The following HSD17B11 variants were observed in gnomAD, a reference collection of about 807,000 sequenced individuals.
HSD17B11 encodes estradiol 17-beta-dehydrogenase 11.
Under a neutral mutation model 27.8 loss-of-function variants are expected in HSD17B11, and 22 were observed. The observed-to-expected ratio is 0.79, with a 90% CI of 0.56 to 1.13. The LOEUF is 1.13. HSD17B11 is among the 50% of genes most tolerant of loss of function. The probability of loss-of-function intolerance (pLI) is 0.00; values close to 1 mark genes in which losing one functional copy is unlikely to be tolerated. For synonymous variants in HSD17B11, 117 were observed against 132.8 expected (o/e 0.88, Z 0.82); for missense variants, 314 against 351.1 (o/e 0.89, Z 0.84).
intron 2 of HSD17B11, among the ~76,000 whole-genome samples, chr4:87,381,186 CAAAA>C (rs58998729): frequency 2.6e-5 from 3 of 114,304 alleles, no homozygotes; most frequent in African/African-American, 3.3e-5. Context: ...GACTCCATTT[CAAAA>C]AAAAAAAAAA....
intron 6 of HSD17B11, among the ~76,000 whole-genome samples, chr4:87,337,923 A>G (rs772917978): frequency 6.6e-6 from 1 of 152,216 alleles, no homozygotes; most frequent in Non-Finnish European, 1.5e-5. Context: ...TACTATATTA[A>G]ATAAAATGTC....
At chr4:87,370,431 T>A (rs966306452) in intron 4 of HSD17B11, among the ~76,000 whole-genome samples, 17 of 151,970 alleles carry the variant, frequency 1.1e-4, no homozygotes, top group East Asian at 3.9e-4. Flanking sequence ...TATTATTATT[T>A]TTTGAGACGA....
At chr4:87,374,881 A>G (rs1298226202) in intron 2 of HSD17B11, 51 bp from the exon 3 acceptor site, 10 of 1,386,612 alleles carry the variant, frequency 7.2e-6, no homozygotes, top group Non-Finnish European at 7.9e-6. Context: ...TATGAGGGTA[A>G]GTTTATACAC....
chr4:87,338,067 A>T (rs1735086513), intron 6 of HSD17B11, among the ~76,000 whole-genome samples: 2 of 152,196 alleles, frequency 1.3e-5, no homozygotes, highest in Non-Finnish European at 2.9e-5. Flanking sequence ...AATACAAAAA[A>T]TTAGCCAGGC....
At chr4:87,379,866 T>A (rs61523111) in intron 2 of HSD17B11, among the ~76,000 whole-genome samples, 52,018 of 144,354 alleles carry the variant, frequency 0.36, 10,794 homozygotes, top group African/African-American at 0.55. Context: ...GTATATGTAT[T>A]ATACTATTAA....
chr4:87,345,961 C>T (rs891290114), intron 5 of HSD17B11, among the ~76,000 whole-genome samples: 4 of 152,212 alleles, frequency 2.6e-5, no homozygotes, highest in East Asian at 1.9e-4. Context: ...CGAATTACCC[C>T]GATACTAAAA....
chr4:87,343,012 A>G (rs1300386048), intron 5 of HSD17B11, among the ~76,000 whole-genome samples: 1 of 152,210 alleles, frequency 6.6e-6, no homozygotes, highest in African/African-American at 2.4e-5. Flanking sequence ...CCAGACTTCA[A>G]TATTCTCAAG....
At chr4:87,388,941 G>A (rs1031983068) in intron 1 of HSD17B11, among the ~76,000 whole-genome samples, 1 of 152,168 alleles carries the variant, frequency 6.6e-6, no homozygotes, top group African/African-American at 2.4e-5. Flanking sequence ...TAAGAACACT[G>A]CAGTGTGTTT....
chr4:87,366,839 T>A (rs1272392934), intron 4 of HSD17B11, among the ~76,000 whole-genome samples: 3 of 152,202 alleles, frequency 2.0e-5, no homozygotes, highest in Non-Finnish European at 2.9e-5. Context: ...AAAACAACTT[T>A]CGAAACTCTC....
At chr4:87,346,890 T>A (rs1578034611) in intron 5 of HSD17B11, among the ~76,000 whole-genome samples, 1 of 151,684 alleles carries the variant, frequency 6.6e-6, no homozygotes. Flanking sequence ...TATATGTATA[T>A]TTTTAAAAAA....
chr4:87,372,393 A>G (rs575359245), intron 4 of HSD17B11, among the ~76,000 whole-genome samples: 1 of 152,044 alleles, frequency 6.6e-6, no homozygotes, highest in Non-Finnish European at 1.5e-5. Flanking sequence ...AATTAATACT[A>G]ATTATTGTTC....
intron 5 of HSD17B11, among the ~76,000 whole-genome samples, chr4:87,341,975 G>T (rs769083428): frequency 1.3e-5 from 2 of 152,162 alleles, no homozygotes; most frequent in African/African-American, 2.4e-5. Context: ...TTTTATTAAT[G>T]ACTTAGAAAA....
At chr4:87,354,629 C>G (rs138316505) in intron 5 of HSD17B11, among the ~76,000 whole-genome samples, 1 of 144,518 alleles carries the variant, frequency 6.9e-6, no homozygotes, top group Non-Finnish European at 1.5e-5. Flanking sequence ...GGTGACAGAG[C>G]GAATCCTTGT....
intron 1 of HSD17B11, among the ~76,000 whole-genome samples, chr4:87,384,981 C>T (rs1428978576): frequency 6.6e-6 from 1 of 152,056 alleles, no homozygotes; most frequent in Non-Finnish European, 1.5e-5. Flanking sequence ...TTTATACTGT[C>T]TCTCTTTATT....
chr4:87,356,767 T>C (rs113138739), intron 5 of HSD17B11, among the ~76,000 whole-genome samples: 1 of 152,256 alleles, frequency 6.6e-6, no homozygotes, highest in African/African-American at 2.4e-5. Context: ...AAGTAAAGAG[T>C]ATGATCTGGT....
At chr4:87,356,755 C>A (rs1166431518) in intron 5 of HSD17B11, among the ~76,000 whole-genome samples, 2 of 152,136 alleles carry the variant, frequency 1.3e-5, no homozygotes, top group Non-Finnish European at 1.5e-5. Context: ...TATTTTTTAA[C>A]CAAGTAAAGA....
chr4:87,338,788 C>T (rs1184621161), intron 6 of HSD17B11, among the ~76,000 whole-genome samples: 1 of 152,194 alleles, frequency 6.6e-6, no homozygotes, highest in Non-Finnish European at 1.5e-5. Flanking sequence ...CCTCCTGCCT[C>T]AGCCTCTCAA....
At chr4:87,382,397 T>C (rs1331072204) in intron 1 of HSD17B11, 35 bp from the exon 2 acceptor site, 3 of 1,239,144 alleles carry the variant, frequency 2.4e-6, no homozygotes, top group Non-Finnish European at 3.6e-6. Flanking sequence ...AGGTAATAAT[T>C]GATATGAACA....
intron 2 of HSD17B11, among the ~76,000 whole-genome samples, chr4:87,380,501 GAAAAGAGA>G (rs1353157114): frequency 7.0e-6 from 1 of 143,470 alleles, no homozygotes; most frequent in East Asian, 2.1e-4. Context: ...AAAAAGAAAA[GAAAAGAGA>G]AAAAGAAAAA....
Sources: allele counts gnomAD v4.1 joint callset (sites outside exome capture counted in the v4.1 genomes callset), GRCh38; gene constraint gnomAD v4.1.1; transcripts MANE v1.5; gene names NCBI Gene and HGNC (gene_info 2026-07-23, HGNC 2026-07-21).